MMD2: variants seen among roughly 807,000 people sequenced by gnomAD.
MMD2 encodes the protein monocyte to macrophage differentiation associated 2, also known as monocyte to macrophage differentiation factor 2.
MMD2 carries 30 observed loss-of-function variants against 33.5 expected under a neutral mutation model. That is an observed-to-expected ratio of 0.90 (90% CI 0.67 to 1.22). The LOEUF (loss-of-function observed/expected upper bound fraction) is 1.22. Among genes scored for constraint, MMD2 ranks in the 50% most tolerant of loss-of-function variants. The pLI is 0.00. For missense variants in MMD2, 364 were observed against 325.4 expected (o/e 1.12, Z -0.91); for synonymous variants, 129 against 123.0 (o/e 1.05, Z -0.32).
intron 1 of MMD2, among the ~76,000 whole-genome samples, chr7:4,932,017 G>T (rs1048874727): frequency 6.6e-6 from 1 of 152,138 alleles, no homozygotes; most frequent in Non-Finnish European, 1.5e-5. Context: ...TCTCCCCGAG[G>T]TCTCTCCCTC....
intron 1 of MMD2, among the ~76,000 whole-genome samples, chr7:4,926,393 C>G (rs1785428544): frequency 6.6e-6 from 1 of 152,158 alleles, no homozygotes. Context: ...CGCTTCCGGC[C>G]TCATTTCCTG....
chr7:4,894,398 G>C, the MMD2 span, among the ~76,000 whole-genome samples: 5 of 152,136 alleles, frequency 3.3e-5, no homozygotes, highest in African/African-American at 1.2e-4. This position sits in a 1 kb window ranked among gnomAD's most constrained non-coding sequence, Gnocchi z 4.3. Flanking sequence ...ATCCTGGAGG[G>C]ACTACCCCTC....
chr7:4,906,319 G>A lies in MMD2; in HGVS notation c.*1077C>T, dbSNP rs77642893. The A allele has an allele frequency of 8.0e-4, 315 of 394,604 alleles. 1 individual carries two copies. In the East Asian group the frequency reaches 8.8e-3, roughly 11 times the overall value. 24.4% of individuals were successfully genotyped at this position (394,604 alleles called of 1,614,324 possible). ...CCAGCAGCCTTGTTGTTGGGCTACT[G>A]AGCACTTCAGAGGTTGGGAGGACCT... On this transcript the variant is annotated 3_prime_UTR_variant, in exon 7 of 7. Coordinates refer to ENST00000401401, the MANE Select transcript of MMD2 (RefSeq NM_198403.4).
In MMD2 at chr7:4,908,059, C is replaced by T. The variant is rs77708181; in HGVS notation, c.538-460G>A. Among the ~76,000 whole-genome samples, 358 of 152,220 alleles carry T rather than the reference C, an allele frequency of 2.4e-3. 1 individual carries two copies. The highest frequency in any genetic ancestry group is 7.9e-3 in the African/African-American group (328 of 41,530). ...TCCTGGTCTCCAGTGCTTCTCCCACCTCGGCTTCCCAAAGTGATGGCATTA... is the reference window on the plus strand; with the variant it reads ...TCCTGGTCTCCAGTGCTTCTCCCACTTCGGCTTCCCAAAGTGATGGCATTA... On this transcript the variant is annotated intron_variant, in intron 6 of 6. Transcript: ENST00000401401.
chr7:4,931,663 C>T (rs1785590730), intron 1 of MMD2, among the ~76,000 whole-genome samples: 1 of 152,130 alleles, frequency 6.6e-6, no homozygotes, highest in Admixed American at 6.6e-5. Context: ...CTCCTGGGCT[C>T]AAGCAATCCT....
chr7:4,953,616 G>C (rs1786308526), intron 1 of MMD2, among the ~76,000 whole-genome samples: 1 of 149,028 alleles, frequency 6.7e-6, no homozygotes. Context: ...GACTACAGGT[G>C]CATGCCACCA....
At chr7:4,955,370 C>G (rs577217346) in intron 1 of MMD2, among the ~76,000 whole-genome samples, 1 of 152,176 alleles carries the variant, frequency 6.6e-6, no homozygotes. Context: ...TGGCCTACCA[C>G]CCGCTGAGAA....
At chr7:4,948,037 T>C (rs1434012739) in intron 1 of MMD2, among the ~76,000 whole-genome samples, 1 of 151,582 alleles carries the variant, frequency 6.6e-6, no homozygotes, top group Non-Finnish European at 1.5e-5. Context: ...CAAGAACTCA[T>C]TCACTATCTC....
chr7:4,911,381 G>A (rs1176298387), intron 4 of MMD2, 135 bp from the exon 5 acceptor site: 10 of 636,568 alleles, frequency 1.6e-5, no homozygotes, highest in South Asian at 7.6e-5. Flanking sequence ...GGACATGGGC[G>A]CTCACAGGAA....
At chr7:4,896,530 G>T in the MMD2 span, among the ~76,000 whole-genome samples, 6 of 152,080 alleles carry the variant, frequency 3.9e-5, no homozygotes, top group Non-Finnish European at 8.8e-5. Flanking sequence ...TTCCCAGCTG[G>T]GTCCCTAGCC....
At position 4,906,606 on chromosome 7, in the gene MMD2, G is replaced by A; in HGVS notation, c.*790C>T. 2.5e-6 allele frequency: 1 copy of A among 398,536 alleles called. No homozygotes were observed. The highest frequency in any genetic ancestry group is 4.4e-5 in the Admixed American group (1 of 22,712). The allele number at this position is 398,536 out of a possible 1,614,324, so 24.7% of individuals were successfully genotyped here. The stretch of plus-strand genomic sequence containing the variant: ...AACTCTACTGAGAATCAACTACGGT[G>A]GAACAGAACATCAGGGGCTGCATGG... On this transcript the variant is annotated 3_prime_UTR_variant, in exon 7 of 7. Transcript: ENST00000401401.
At chr7:4,958,911 G>T in intron 1 of MMD2, 60 bp downstream of exon 1, 1 of 1,270,376 alleles carries the variant, frequency 7.9e-7, no homozygotes, top group Non-Finnish European at 1.0e-6. Flanking sequence ...TGGCCTCCGC[G>T]GCCCCCGCCG....
chr7:4,908,715 A>G (rs112527469), intron 6 of MMD2, among the ~76,000 whole-genome samples: 46 of 151,580 alleles, frequency 3.0e-4, no homozygotes, highest in Admixed American at 9.9e-4. Flanking sequence ...TGGCCAACAT[A>G]GTGAAACCCC....
At chr7:4,926,619 G>C (rs144702972) in intron 1 of MMD2, among the ~76,000 whole-genome samples, 1 of 152,028 alleles carries the variant, frequency 6.6e-6, no homozygotes, top group African/African-American at 2.4e-5. Flanking sequence ...TGTTTCCCCT[G>C]TTCTTGAACT....
At position 4,946,004 on chromosome 7, in the gene MMD2, G is replaced by T. The variant is rs1025596379; in HGVS notation, c.47+12967C>A. Among the ~76,000 whole-genome samples, 1 of 152,176 alleles carries T rather than the reference G, an allele frequency of 6.6e-6. No individual in the cohort carries two copies. The highest frequency in any genetic ancestry group is 1.5e-5 in the Non-Finnish European group (1 of 68,038). On this transcript the variant is annotated intron_variant, in intron 1 of 6. Coordinates refer to ENST00000401401, the MANE Select transcript of MMD2 (RefSeq NM_198403.4). This position sits in a 1 kb window ranked among gnomAD's most constrained non-coding sequence, Gnocchi z 5.0. ...AATTCAGCATTCATTCCTATGTAAC[G>T]CAGCTGCCTGCTCAGAGAAGATTCC...
At chr7:4,923,386 G>A (rs1209345448) in intron 2 of MMD2, among the ~76,000 whole-genome samples, 1 of 152,162 alleles carries the variant, frequency 6.6e-6, no homozygotes, top group Admixed American at 6.6e-5. Flanking sequence ...TTACAGGTGT[G>A]AGCCACTGCA....
chr7:4,932,257 G>A (rs533540729), intron 1 of MMD2, among the ~76,000 whole-genome samples: 1 of 152,276 alleles, frequency 6.6e-6, no homozygotes, highest in East Asian at 1.9e-4. Flanking sequence ...GAGGCCCGGA[G>A]ACAGGGCCGT....
At chr7:4,926,859 C>G (rs1239838196) in intron 1 of MMD2, among the ~76,000 whole-genome samples, 1 of 152,152 alleles carries the variant, frequency 6.6e-6, no homozygotes, top group East Asian at 1.9e-4. Context: ...ATTCTCCTGC[C>G]TCAGCCTCCT....
At chr7:4,954,817 C>A (rs1583405751) in intron 1 of MMD2, among the ~76,000 whole-genome samples, 1 of 152,122 alleles carries the variant, frequency 6.6e-6, no homozygotes, top group South Asian at 2.1e-4. Context: ...AAAAGTTATT[C>A]TTTTATAGAT....
Sources: gnomAD v4.1 joint callset for allele counts (sites outside exome capture counted in the v4.1 genomes callset) on GRCh38, gnomAD v4.1.1 for gene constraint, Gnocchi (gnomAD v3.1) non-coding constraint, MANE v1.5 for transcripts, NCBI Gene and HGNC (gene_info 2026-07-23, HGNC 2026-07-21) for gene names.